Variants in SDK1 observed in about 807,000 individuals in gnomAD.
The protein encoded by SDK1 is protein sidekick-1.
Under a neutral mutation model 245.5 loss-of-function variants are expected in SDK1, and 157 were observed. That is an observed-to-expected ratio of 0.64 (90% CI 0.56 to 0.73). SDK1 has a LOEUF of 0.73. SDK1 is among the 30% of genes least tolerant of loss of function. The pLI is 0.00. For missense variants in SDK1, 3,583 were observed against 3,002.3 expected (o/e 1.19, Z -4.52); for synonymous variants, 1,647 against 1,278.5 (o/e 1.29, Z -6.15).
At chr7:3,739,783 T>A (rs1348525618) in intron 4 of SDK1, among the ~76,000 whole-genome samples, 2 of 152,146 alleles carry the variant, frequency 1.3e-5, no homozygotes, top group African/African-American at 4.8e-5. Context: ...ATTGATTGCT[T>A]TTTTTCCCCC....
chr7:3,543,206 G>A (rs149825325), intron 1 of SDK1, among the ~76,000 whole-genome samples: 1 of 152,358 alleles, frequency 6.6e-6, no homozygotes, highest in African/African-American at 2.4e-5. Flanking sequence ...AAGAAAAATT[G>A]AGATGTTACT....
intron 1 of SDK1, among the ~76,000 whole-genome samples, chr7:3,553,724 C>G (rs530973677): frequency 2.6e-5 from 4 of 152,168 alleles, no homozygotes; most frequent in Non-Finnish European, 5.9e-5. Flanking sequence ...AACAAATGGT[C>G]CAGCTGAGTA....
At chr7:3,631,394 G>T (rs1782283878) in intron 2 of SDK1, among the ~76,000 whole-genome samples, 1 of 152,108 alleles carries the variant, frequency 6.6e-6, no homozygotes, top group Admixed American at 6.5e-5. Flanking sequence ...CGTGAAAAGG[G>T]CTTAATTTCT....
intron 1 of SDK1, among the ~76,000 whole-genome samples, chr7:3,604,856 C>T (rs1781372239): frequency 6.6e-6 from 1 of 151,890 alleles, no homozygotes. Context: ...CCCACCTCGG[C>T]CTCCCAAAGT....
chr7:4,106,372 C>T lies in SDK1; in HGVS notation c.3325-4291C>T, dbSNP rs183413037. 2.4e-4 allele frequency among the ~76,000 whole-genome samples: 37 copies of T among 151,360 alleles called. No individual in the cohort carries two copies. The East Asian group carries it at 6.1e-3, about 25-fold the overall frequency. On this transcript the variant is annotated intron_variant, in intron 22 of 44. Transcript: ENST00000404826. ...AGCCTGGAGTGCAGTGGCATGATCT[C>T]AGCTCACTGTAAGCTCTGCCTCCTG...
At chr7:3,926,061 A>T (rs1359452361) in intron 5 of SDK1, among the ~76,000 whole-genome samples, 1 of 152,200 alleles carries the variant, frequency 6.6e-6, no homozygotes, top group Non-Finnish European at 1.5e-5. Context: ...CAGGGAAATC[A>T]GTGTCACCTA....
At chr7:3,419,523 A>T (rs1435298667) in intron 1 of SDK1, among the ~76,000 whole-genome samples, 1 of 152,166 alleles carries the variant, frequency 6.6e-6, no homozygotes, top group African/African-American at 2.4e-5. Flanking sequence ...TGCTGTTTCG[A>T]AAGTATTGAG....
intron 7 of SDK1, among the ~76,000 whole-genome samples, chr7:3,954,667 C>T (rs904521852): frequency 6.9e-6 from 1 of 145,500 alleles, no homozygotes; most frequent in African/African-American, 2.6e-5. Context: ...GTCCCACCTC[C>T]CTTCTACACC....
At chr7:3,575,710 A>G (rs574571502) in intron 1 of SDK1, among the ~76,000 whole-genome samples, 1 of 152,078 alleles carries the variant, frequency 6.6e-6, no homozygotes, top group Non-Finnish European at 1.5e-5. Flanking sequence ...TATAAAGAGC[A>G]TTCAAACTCT....
At chr7:3,591,052 A>G (rs961611483) in intron 1 of SDK1, among the ~76,000 whole-genome samples, 7 of 152,170 alleles carry the variant, frequency 4.6e-5, no homozygotes, top group African/African-American at 1.7e-4. Flanking sequence ...GTTAAGAACA[A>G]CGGTTTATAT....
intron 25 of SDK1, among the ~76,000 whole-genome samples, chr7:4,116,869 T>C (rs6973388): frequency 0.31 from 47,657 of 152,140 alleles, 7,726 homozygotes; most frequent in South Asian, 0.41. Flanking sequence ...TGTTTCAGGA[T>C]GGAACTGCCC....
intron 1 of SDK1, among the ~76,000 whole-genome samples, chr7:3,447,797 C>T (rs1273494501): frequency 2.0e-5 from 3 of 149,918 alleles, no homozygotes; most frequent in Non-Finnish European, 3.0e-5. Flanking sequence ...CTCTGCCTCC[C>T]GGGTTCAAGT....
intron 1 of SDK1, among the ~76,000 whole-genome samples, chr7:3,332,968 C>T (rs1268133159): frequency 6.6e-6 from 1 of 152,204 alleles, no homozygotes; most frequent in African/African-American, 2.4e-5. Context: ...GGGAACGAGC[C>T]TCTTTGTCCA....
chr7:4,257,477 AAAT>A (rs1787705743), intron 44 of SDK1, among the ~76,000 whole-genome samples: 1 of 152,222 alleles, frequency 6.6e-6, no homozygotes, highest in African/African-American at 2.4e-5. Flanking sequence ...AATGTCATAT[AAAT>A]AATAAACAGA....
At chr7:3,807,477 T>G (rs1276175261) in intron 4 of SDK1, among the ~76,000 whole-genome samples, 1 of 152,138 alleles carries the variant, frequency 6.6e-6, no homozygotes, top group East Asian at 1.9e-4. Flanking sequence ...GTCACCAGTT[T>G]TGTGATCCCC....
intron 1 of SDK1, among the ~76,000 whole-genome samples, chr7:3,369,027 T>G (rs1469313072): frequency 6.6e-6 from 1 of 152,054 alleles, no homozygotes; most frequent in African/African-American, 2.4e-5. Context: ...AAATTCTTTT[T>G]TTTCTTTCCT....
intron 1 of SDK1, among the ~76,000 whole-genome samples, chr7:3,382,791 G>C (rs965326581): frequency 6.6e-6 from 1 of 152,018 alleles, no homozygotes; most frequent in South Asian, 2.1e-4. Context: ...TAGTTTTTTG[G>C]GGCATTTTTC....
intron 1 of SDK1, among the ~76,000 whole-genome samples, chr7:3,413,718 TGTG>T (rs1779279110): frequency 6.6e-6 from 1 of 152,120 alleles, no homozygotes; most frequent in Admixed American, 6.5e-5. Flanking sequence ...ACTAGGAGGC[TGTG>T]CATGGTGGCT....
intron 4 of SDK1, among the ~76,000 whole-genome samples, chr7:3,788,300 C>T (rs1465457567): frequency 6.6e-6 from 1 of 152,142 alleles, no homozygotes; most frequent in Non-Finnish European, 1.5e-5. Flanking sequence ...CTTGTGTCTC[C>T]CTCCATCGCC....
Sources: allele counts gnomAD v4.1 joint callset (sites outside exome capture counted in the v4.1 genomes callset), GRCh38; gene constraint gnomAD v4.1.1; transcripts MANE v1.5; gene names NCBI Gene and HGNC (gene_info 2026-07-23, HGNC 2026-07-21).